Variants in INPP4B observed in about 807,000 individuals in gnomAD.
The protein encoded by INPP4B is inositol polyphosphate 4-phosphatase type II.
INPP4B carries 55 observed loss-of-function variants against 122.5 expected under a neutral mutation model. That is an observed-to-expected ratio of 0.45 (90% CI 0.36 to 0.56). INPP4B has a LOEUF of 0.56. Among genes scored for constraint, INPP4B ranks in the 20% least tolerant of loss-of-function variants. The pLI, the probability that INPP4B is intolerant of heterozygous loss-of-function variation, is 0.00. For missense variants in INPP4B, 1,000 were observed against 1,097.7 expected (o/e 0.91, Z 1.26); for synonymous variants, 403 against 388.7 (o/e 1.04, Z -0.43).
At chr4:142,716,822 G>C (rs1763835089) in intron 2 of INPP4B, among the ~76,000 whole-genome samples, 2 of 152,192 alleles carry the variant, frequency 1.3e-5, no homozygotes, top group Non-Finnish European at 2.9e-5. Flanking sequence ...ATGGTCAGTA[G>C]CATGCAGTAA....
At position 142,273,198 on chromosome 4, in the gene INPP4B, C is replaced by A. The variant is rs74371367; in HGVS notation, c.504-2424G>T. On this transcript the variant is annotated intron_variant, in intron 9 of 25. Transcript: ENST00000262992. ...GAGATAATTAATGTAAAGTGCTCAA[C>A]ACAATGTCTTACACAAGATAATTAC... Among the ~76,000 whole-genome samples, 766 of 152,060 alleles carry A rather than the reference C, an allele frequency of 5.0e-3. 10 individuals are homozygous for A. The highest frequency in any genetic ancestry group is 0.018 in the African/African-American group (730 of 41,536).
intron 21 of INPP4B, among the ~76,000 whole-genome samples, chr4:142,114,483 C>G (rs914399758): frequency 3.3e-5 from 5 of 151,988 alleles, no homozygotes; most frequent in African/African-American, 1.2e-4. Flanking sequence ...GAAATGGTAT[C>G]TGTGATTTTA....
intron 2 of INPP4B, among the ~76,000 whole-genome samples, chr4:142,633,713 A>C (rs559165159): frequency 6.6e-6 from 1 of 152,282 alleles, no homozygotes; most frequent in South Asian, 2.1e-4. Context: ...AAGAGGTAAA[A>C]TTATACAGGA....
chr4:142,590,301 C>T (rs1737143642), intron 2 of INPP4B, among the ~76,000 whole-genome samples: 1 of 151,988 alleles, frequency 6.6e-6, no homozygotes, highest in Middle Eastern at 3.2e-3. Context: ...CGGGGGAATC[C>T]CAAGATACAA....
intron 2 of INPP4B, among the ~76,000 whole-genome samples, chr4:142,620,241 A>G (rs894585): frequency 1.3e-5 from 2 of 151,898 alleles, no homozygotes; most frequent in South Asian, 2.1e-4. Flanking sequence ...GCACAAATAC[A>G]TGGAATCAAC....
chr4:142,752,853 T>G (rs1201971199), intron 1 of INPP4B, among the ~76,000 whole-genome samples: 1 of 152,158 alleles, frequency 6.6e-6, no homozygotes, highest in East Asian at 1.9e-4. Flanking sequence ...TTTTCCTTTT[T>G]TCCTATGAAC....
intron 7 of INPP4B, among the ~76,000 whole-genome samples, chr4:142,366,129 C>A (rs1393166330): frequency 6.6e-6 from 1 of 152,070 alleles, no homozygotes; most frequent in East Asian, 1.9e-4. Flanking sequence ...TAATCTCCCT[C>A]ACCATTAAGA....
At chr4:142,454,255 G>A (rs1350722230) in intron 3 of INPP4B, among the ~76,000 whole-genome samples, 1 of 151,930 alleles carries the variant, frequency 6.6e-6, no homozygotes, top group African/African-American at 2.4e-5. Context: ...CTACTATATC[G>A]AGTTTATTGT....
intron 3 of INPP4B, among the ~76,000 whole-genome samples, chr4:142,447,585 T>A (rs1390566767): frequency 2.0e-5 from 3 of 152,124 alleles, no homozygotes; most frequent in Non-Finnish European, 4.4e-5. Flanking sequence ...TCAATGGTGT[T>A]AGATGAGTAA....
chr4:142,298,828 T>A (rs1466046653), intron 9 of INPP4B, among the ~76,000 whole-genome samples: 1 of 152,138 alleles, frequency 6.6e-6, no homozygotes, highest in African/African-American at 2.4e-5. Flanking sequence ...CATTAAGAAG[T>A]TGGACTGCTG....
At chr4:142,836,639 G>A (rs944303609) in intron 1 of INPP4B, among the ~76,000 whole-genome samples, 1 of 150,340 alleles carries the variant, frequency 6.7e-6, no homozygotes, top group South Asian at 2.1e-4. Context: ...AATTATTAAA[G>A]AATTAGATAT....
intron 1 of INPP4B, among the ~76,000 whole-genome samples, chr4:142,831,563 C>A (rs1226672766): frequency 6.6e-6 from 1 of 152,166 alleles, no homozygotes; most frequent in Non-Finnish European, 1.5e-5. Context: ...CCTCACTATC[C>A]ATTAATTTAA....
intron 14 of INPP4B, among the ~76,000 whole-genome samples, chr4:142,208,203 T>C (rs921485987): frequency 6.6e-6 from 1 of 152,192 alleles, no homozygotes; most frequent in Non-Finnish European, 1.5e-5. Context: ...TTTTCATCTC[T>C]ACCTCAATCC....
chr4:142,061,883 CACATATATATATATATATATATATAT>C (rs1210429123), intron 25 of INPP4B, among the ~76,000 whole-genome samples: 160 of 11,664 alleles, frequency 0.014, 2 homozygotes, highest in South Asian at 0.053. Flanking sequence ...CACACACACA[CACATATATATATATATATATATATAT>C]ATATATATAT....
chr4:142,817,729 A>T (rs867470128), intron 1 of INPP4B, among the ~76,000 whole-genome samples: 1 of 152,316 alleles, frequency 6.6e-6, no homozygotes, highest in Middle Eastern at 3.4e-3. Context: ...GAACTAAATC[A>T]GTTTTAAATA....
At chr4:142,545,320 T>G (rs1328999959) in intron 2 of INPP4B, among the ~76,000 whole-genome samples, 1 of 152,100 alleles carries the variant, frequency 6.6e-6, no homozygotes, top group Non-Finnish European at 1.5e-5. Context: ...TATTGAGAAT[T>G]TTCATAATGC....
intron 25 of INPP4B, among the ~76,000 whole-genome samples, chr4:142,036,113 T>A (rs1473534690): frequency 6.6e-6 from 1 of 152,078 alleles, no homozygotes; most frequent in Non-Finnish European, 1.5e-5. Context: ...TGTCCGTGGG[T>A]GCTAAATGTT....
At chr4:142,611,749 A>G (rs1289132130) in intron 2 of INPP4B, among the ~76,000 whole-genome samples, 1 of 144,398 alleles carries the variant, frequency 6.9e-6, no homozygotes, top group Non-Finnish European at 1.5e-5. Flanking sequence ...GCTCACTGCA[A>G]GCTCTGCCTC....
intron 12 of INPP4B, among the ~76,000 whole-genome samples, chr4:142,226,120 C>CTG (rs753095477): frequency 2.1e-4 from 32 of 152,274 alleles, no homozygotes; most frequent in South Asian, 8.3e-4. Context: ...TTAAAACATA[C>CTG]TGTAAAAGTT....
Sources: allele counts gnomAD v4.1 joint callset (sites outside exome capture counted in the v4.1 genomes callset), GRCh38; gene constraint gnomAD v4.1.1; transcripts MANE v1.5; gene names NCBI Gene and HGNC (gene_info 2026-07-23, HGNC 2026-07-21).